Variants in CCDC146 observed in about 807,000 individuals in gnomAD.
CCDC146 encodes the protein coiled-coil domain-containing protein 146.
A neutral mutation model predicts 119.3 loss-of-function variants in CCDC146; 92 were observed. That is an observed-to-expected ratio of 0.77 (90% CI 0.65 to 0.92). The LOEUF is 0.92. Ranked by LOEUF, CCDC146 falls within the 40% of genes least tolerant of loss-of-function variation. CCDC146 has a pLI of 0.00. For missense variants in CCDC146, 1,000 were observed against 1,103.0 expected (o/e 0.91, Z 1.32); for synonymous variants, 372 against 371.8 (o/e 1.00, Z -0.01).
At chr7:77,150,703 G>C (rs1047651557) in intron 1 of CCDC146, among the ~76,000 whole-genome samples, 3 of 151,996 alleles carry the variant, frequency 2.0e-5, no homozygotes, top group Admixed American at 1.3e-4. Flanking sequence ...TTCCACTCTT[G>C]GTATTACCCA....
rs1161266804 is a variant in CCDC146 at position 77,134,250 on chromosome 7, G to T, written c.-12+11518G>T. Among the ~76,000 whole-genome samples the T allele has an allele frequency of 1.3e-5, 2 of 151,944 alleles. 1 individual carries two copies. Among genetic ancestry groups the T allele is most frequent in the Middle Eastern group, 6.8e-3 (2 of 294 alleles). On this transcript the variant is annotated intron_variant, in intron 1 of 18. Transcript: ENST00000285871. Reference sequence around the variant, plus strand: ...GTAGTGTCATTTGAAAGTGGACTAGGATTAGTTGGAAATCAACACTGCAAA... The same window carrying T: ...GTAGTGTCATTTGAAAGTGGACTAGTATTAGTTGGAAATCAACACTGCAAA...
chr7:77,250,120 A>G (rs866475260), intron 4 of CCDC146, among the ~76,000 whole-genome samples: 1 of 152,198 alleles, frequency 6.6e-6, no homozygotes, highest in Non-Finnish European at 1.5e-5. Flanking sequence ...CCCTTGTATC[A>G]TTGCTGTCAT....
intron 2 of CCDC146, among the ~76,000 whole-genome samples, chr7:77,206,511 G>A (rs1025073665): frequency 1.3e-5 from 2 of 151,898 alleles, no homozygotes; most frequent in Non-Finnish European, 2.9e-5. Context: ...ATAATGGTGT[G>A]TGCCTCAGCT....
At chr7:77,149,114 T>G (rs1791069091) in intron 1 of CCDC146, among the ~76,000 whole-genome samples, 1 of 152,170 alleles carries the variant, frequency 6.6e-6, no homozygotes, top group African/African-American at 2.4e-5. Flanking sequence ...AGCATGGTAC[T>G]GGCACCAAAA....
intron 2 of CCDC146, among the ~76,000 whole-genome samples, chr7:77,217,582 TATATAA>T: frequency 6.6e-6 from 1 of 150,666 alleles, no homozygotes; most frequent in Admixed American, 6.6e-5. Context: ...GAGAGAGAGT[TATATAA>T]ATATATAGTT....
chr7:77,259,268 G>T, intron 7 of CCDC146, 200 bp downstream of exon 7: 1 of 475,882 alleles, frequency 2.1e-6, no homozygotes, highest in Non-Finnish European at 3.7e-6. Context: ...TAGTATTTAT[G>T]GCTTAATTAT....
At chr7:77,199,864 A>G in intron 2 of CCDC146, 2 of 1,523,226 alleles carry the variant, frequency 1.3e-6, no homozygotes, top group Admixed American at 4.0e-5. Context: ...CAGCTGCCTG[A>G]GTCAGGCTTT....
intron 9 of CCDC146, among the ~76,000 whole-genome samples, chr7:77,262,518 G>A (rs1111665): frequency 0.54 from 81,465 of 152,056 alleles, 23,780 homozygotes; most frequent in Non-Finnish European, 0.66. Context: ...TTAGAGAAAT[G>A]TCTTGTTTGG....
At chr7:77,157,799 T>C (rs1246191311) in intron 1 of CCDC146, among the ~76,000 whole-genome samples, 2 of 152,180 alleles carry the variant, frequency 1.3e-5, no homozygotes, top group Non-Finnish European at 2.9e-5. Flanking sequence ...CAAGTTATCA[T>C]AGCACCAATT....
chr7:77,255,412 A>G (rs1793159702), intron 5 of CCDC146: 1 of 152,224 alleles, frequency 6.6e-6, no homozygotes, highest in Admixed American at 6.5e-5. Flanking sequence ...CACTCCTTCC[A>G]CCTTCTGATA....
At chr7:77,212,988 G>A (rs1202981305) in intron 2 of CCDC146, among the ~76,000 whole-genome samples, 1 of 135,956 alleles carries the variant, frequency 7.4e-6, no homozygotes, top group Non-Finnish European at 1.5e-5. Flanking sequence ...CTACTTTCTA[G>A]GTGGTGCCAT....
chr7:77,219,092 T>C (rs1219787331), intron 2 of CCDC146, among the ~76,000 whole-genome samples: 1 of 152,200 alleles, frequency 6.6e-6, no homozygotes, highest in Non-Finnish European at 1.5e-5. Context: ...AAATTGTTTA[T>C]ATATCCTTAA....
chr7:77,192,525 G>A (rs41534948), intron 2 of CCDC146, among the ~76,000 whole-genome samples: 12,899 of 152,190 alleles, frequency 0.085, 655 homozygotes, highest in African/African-American at 0.13. Context: ...ATTAGAAAGC[G>A]TAGTTTGTTT....
At chr7:77,219,706 A>C (rs998250157) in intron 2 of CCDC146, among the ~76,000 whole-genome samples, 1 of 152,158 alleles carries the variant, frequency 6.6e-6, no homozygotes, top group African/African-American at 2.4e-5. Flanking sequence ...AGCTGGTCTG[A>C]GAAATAAACA....
chr7:77,196,972 T>C lies in CCDC146; in HGVS notation c.156+29148T>C, dbSNP rs771120137. ...CGTAGTAGTCAGAGCAATCTTTATA[T>C]ATTAGATGTTGAACTGAAGGGGAAA... On this transcript the variant is annotated intron_variant, in intron 2 of 18. Transcript: ENST00000285871. The surrounding 1 kb of genome is among the most constrained non-coding windows in gnomAD (Gnocchi z 4.2). 6.3e-7 allele frequency: 1 copy of C among 1,597,510 alleles called. No individual in the cohort carries two copies. The highest frequency in any genetic ancestry group is 1.7e-5 in the Admixed American group (1 of 58,806).
intron 15 of CCDC146, among the ~76,000 whole-genome samples, chr7:77,284,385 G>A (rs1006488025): frequency 2.0e-5 from 3 of 151,772 alleles, no homozygotes; most frequent in African/African-American, 7.3e-5. Context: ...CCTCATCCCA[G>A]ATTGCCCCCA....
chr7:77,186,388 A>G (rs1259562593), intron 2 of CCDC146, among the ~76,000 whole-genome samples: 1 of 152,152 alleles, frequency 6.6e-6, no homozygotes, highest in Non-Finnish European at 1.5e-5. Flanking sequence ...TAAGCCAGGC[A>G]CAGAAAGACA....
chr7:77,128,793 C>T (rs992577023), intron 1 of CCDC146, among the ~76,000 whole-genome samples: 4 of 152,078 alleles, frequency 2.6e-5, no homozygotes, highest in African/African-American at 4.8e-5. Context: ...TGGGGGAATC[C>T]CGATACTCTT....
At chr7:77,226,890 C>T (rs1042895248) in intron 2 of CCDC146, among the ~76,000 whole-genome samples, 5 of 152,150 alleles carry the variant, frequency 3.3e-5, no homozygotes, top group Non-Finnish European at 7.3e-5. Context: ...AACCAGGGAT[C>T]GACCTGCTTA....
Sources: gnomAD v4.1 joint callset for allele counts (sites outside exome capture counted in the v4.1 genomes callset) on GRCh38, gnomAD v4.1.1 for gene constraint, Gnocchi (gnomAD v3.1) non-coding constraint, MANE v1.5 for transcripts, NCBI Gene and HGNC (gene_info 2026-07-23, HGNC 2026-07-21) for gene names.